The following TRPA1 variants were observed in gnomAD, a reference collection of about 807,000 sequenced individuals.
TRPA1 encodes the protein transient receptor potential cation channel subfamily A member 1.
TRPA1 carries 129 observed loss-of-function variants against 131.3 expected under a neutral mutation model. The ratio of observed to expected loss-of-function variants is 0.98; its 90% confidence interval spans 0.85 to 1.14. TRPA1 has a LOEUF of 1.14. Ranked by LOEUF, TRPA1 falls within the 50% of genes most tolerant of loss-of-function variation. The probability of loss-of-function intolerance (pLI) is 0.00; values close to 1 mark genes in which losing one functional copy is unlikely to be tolerated. For synonymous variants in TRPA1, 441 were observed against 451.7 expected (o/e 0.98, Z 0.30); for missense variants, 1,304 against 1,354.2 (o/e 0.96, Z 0.58).
intron 1 of TRPA1, among the ~76,000 whole-genome samples, chr8:72,073,635 A>G (rs551298212): frequency 2.4e-4 from 37 of 152,366 alleles, no homozygotes; most frequent in Middle Eastern, 3.4e-3. Context: ...TAAAAAACAT[A>G]AGTTGCTCTA....
upstream of TRPA1, chr8:72,075,721 AG>A (rs749559678): frequency 3.7e-4 from 159 of 427,878 alleles, no homozygotes; most frequent in Middle Eastern, 7.0e-4. Context: ...TCAGGGACAA[AG>A]TGACTCGCCC....
At chr8:72,035,648 G>GAGTTCTAATCTAA (rs767061035) in intron 21 of TRPA1, among the ~76,000 whole-genome samples, 29 of 152,194 alleles carry the variant, frequency 1.9e-4, no homozygotes, top group Middle Eastern at 3.4e-3. Flanking sequence ...TTTTTTCCCT[G>GAGTTCTAATCTAA]TCTAGAATTA....
At chr8:72,040,430 G>A (rs903599254) in intron 17 of TRPA1, among the ~76,000 whole-genome samples, 2 of 152,012 alleles carry the variant, frequency 1.3e-5, no homozygotes, top group Non-Finnish European at 2.9e-5. Context: ...TGTACCCAAG[G>A]TGAGCATGTA....
intron 17 of TRPA1, among the ~76,000 whole-genome samples, chr8:72,045,175 C>A (rs565412300): frequency 6.6e-6 from 1 of 152,010 alleles, no homozygotes; most frequent in Admixed American, 6.6e-5. Flanking sequence ...GCGCTTACAG[C>A]AATGGTTAGT....
chr8:72,087,128 G>A, the TRPA1 span, among the ~76,000 whole-genome samples: 3 of 152,128 alleles, frequency 2.0e-5, no homozygotes, highest in Non-Finnish European at 4.4e-5. Flanking sequence ...CCAGTGGTAT[G>A]GTGACTGAAT....
chr8:72,024,684 A>G (rs1340368336), intron 25 of TRPA1, among the ~76,000 whole-genome samples: 2 of 152,186 alleles, frequency 1.3e-5, no homozygotes, highest in African/African-American at 4.8e-5. Context: ...AACCTGCTGA[A>G]TGTGAGGCAC....
At chr8:72,080,415 A>C (rs1806267230), upstream of TRPA1, among the ~76,000 whole-genome samples, 1 of 151,704 alleles carries the variant, frequency 6.6e-6, no homozygotes, top group Non-Finnish European at 1.5e-5. Flanking sequence ...ACATTATTTT[A>C]TATTAATAGA....
At chr8:72,027,992 C>G (rs1230082046) in intron 24 of TRPA1, among the ~76,000 whole-genome samples, 1 of 152,092 alleles carries the variant, frequency 6.6e-6, no homozygotes, top group East Asian at 1.9e-4. Flanking sequence ...TTGTTTTTAT[C>G]TATTCCCCAG....
chr8:72,088,418 G>A, the TRPA1 span, among the ~76,000 whole-genome samples: 1 of 145,898 alleles, frequency 6.9e-6, no homozygotes, highest in Non-Finnish European at 1.5e-5. Flanking sequence ...ATGGGAAGGA[G>A]GGTAGATATG....
chr8:72,024,648 C>T (rs866932407), intron 25 of TRPA1, among the ~76,000 whole-genome samples: 4 of 151,994 alleles, frequency 2.6e-5, no homozygotes, highest in East Asian at 1.9e-4. Flanking sequence ...GAGGGTGAAA[C>T]GTGAAAGCAT....
intron 23 of TRPA1, among the ~76,000 whole-genome samples, chr8:72,031,602 A>C (rs529636610): frequency 2.0e-5 from 3 of 151,798 alleles, no homozygotes; most frequent in Non-Finnish European, 2.9e-5. Context: ...AACAAAAAAA[A>C]AACAAAAAAA....
the TRPA1 span, among the ~76,000 whole-genome samples, chr8:72,089,616 G>T: frequency 6.6e-6 from 1 of 151,964 alleles, no homozygotes; most frequent in African/African-American, 2.4e-5. Context: ...TCCCAGTCTA[G>T]AGGAAACCTT....
rs1263141883 is a variant in TRPA1, at chr8:72,063,515, G to C, written c.609C>G (p.His203Gln). 3.1e-6 allele frequency: 5 copies of C among 1,613,742 alleles called. No homozygotes were observed. Among genetic ancestry groups the C allele is most frequent in the Non-Finnish European group, 4.2e-6 (5 of 1,179,902 alleles). ...CTTTGGAACCTGAAAATGCAGCTTGGTGAATAGGGAAACATCCCCATTTAT... is the reference window on the plus strand; with the variant it reads ...CTTTGGAACCTGAAAATGCAGCTTGCTGAATAGGGAAACATCCCCATTTAT... Reference protein sequence around the residue: ...KSNKWGCFPIHQAAFSGSKEC... With the variant: ...KSNKWGCFPIQQAAFSGSKEC... Residue 203 changes from histidine (H) to glutamine (Q), a missense_variant, in exon 5 of 27, where the codon CAC becomes CAG. Physicochemically the swap from His to Gln is conservative, Grantham distance 24. Coordinates refer to ENST00000262209, the MANE Select transcript of TRPA1 (RefSeq NM_007332.3).
chr8:72,063,559 C>A lies in TRPA1; in HGVS notation c.565G>T (p.Ala189Ser). 6.2e-7 allele frequency: 1 copy of A among 1,612,696 alleles called. No homozygotes were observed. Among genetic ancestry groups the A allele is most frequent in the Non-Finnish European group, 8.5e-7 (1 of 1,178,912 alleles). The change falls in exon 5 of 27, where the codon GCT (alanine) becomes TCT (serine). Residue 189 changes from alanine to serine, a missense_variant. Ala to Ser is a moderately conservative substitution (Grantham distance 99, BLOSUM62 1). Coordinates refer to ENST00000262209, the MANE Select transcript of TRPA1 (RefSeq NM_007332.3). ...CATTTATTTGATTTACATGGCTTAGCTCCTTTTTTAAGCTGGAAGAAAAGA... is the reference window on the plus strand; with the variant it reads ...CATTTATTTGATTTACATGGCTTAGATCCTTTTTTAAGCTGGAAGAAAAGA... ...EALQILLKKG[A>S]KPCKSNKWGC...
intron 24 of TRPA1, among the ~76,000 whole-genome samples, chr8:72,028,788 T>C (rs1189364684): frequency 6.6e-6 from 1 of 152,258 alleles, no homozygotes; most frequent in Non-Finnish European, 1.5e-5. Flanking sequence ...GTACATACTA[T>C]GTATTGAAAC....
At chr8:72,037,591 T>C (rs1812100650) in intron 20 of TRPA1, among the ~76,000 whole-genome samples, 1 of 152,086 alleles carries the variant, frequency 6.6e-6, no homozygotes, top group South Asian at 2.1e-4. Flanking sequence ...GAAAGACCCA[T>C]TTGAAATGGA....
intron 1 of TRPA1, among the ~76,000 whole-genome samples, chr8:72,072,100 A>G (rs578175300): frequency 2.4e-4 from 36 of 152,218 alleles, no homozygotes; most frequent in Non-Finnish European, 5.1e-4. Context: ...ACTCATTCAT[A>G]TATGCTTAGA....
Position 72,055,793 on chromosome 8 carries a change from A to T in TRPA1, c.1257T>A (p.Tyr419Ter). ...AACCAGGGCCCCCCTGTCTACATGCATAATGTAGAGGAGTACACCCATCGT... is the reference window on the plus strand; with the variant it reads ...AACCAGGGCCCCCCTGTCTACATGCTTAATGTAGAGGAGTACACCCATCGT... ...EDNDGCTPLH[Y>*]ACRQGGPGSV... Residue 419 changes from tyrosine (Y) to a stop codon, truncating the protein, a stop_gained, in exon 11 of 27, where the codon TAT (tyrosine) becomes TAA (stop). Transcript: ENST00000262209. LOFTEE classifies it high-confidence loss of function. 5 of 1,609,402 alleles carry T rather than the reference A, an allele frequency of 3.1e-6. No individual in the cohort carries two copies. Among genetic ancestry groups the T allele is most frequent in the Non-Finnish European group, 4.3e-6 (5 of 1,175,896 alleles).
intron 17 of TRPA1, among the ~76,000 whole-genome samples, chr8:72,043,883 G>T (rs1353280007): frequency 6.6e-6 from 1 of 151,508 alleles, no homozygotes; most frequent in Non-Finnish European, 1.5e-5. Context: ...TTAAAATTTT[G>T]ATTATTAGGT....
Sources: gnomAD v4.1 joint callset for allele counts (sites outside exome capture counted in the v4.1 genomes callset) on GRCh38, gnomAD v4.1.1 for gene constraint, MANE v1.5 for transcripts, NCBI Gene and HGNC (gene_info 2026-07-23, HGNC 2026-07-21) for gene names.